Variants in TAMM41 observed in about 807,000 individuals in gnomAD.
TAMM41 encodes the protein TAM41 mitochondrial translocator assembly and maintenance homolog.
In TAMM41, 36 loss-of-function variants were observed where a neutral mutation model predicts 44.1. The ratio of observed to expected loss-of-function variants is 0.82; its 90% CI spans 0.63 to 1.08. The LOEUF is 1.08. Ranked by LOEUF, TAMM41 falls within the 50% of genes least tolerant of loss-of-function variation. The pLI is 0.00. For synonymous variants in TAMM41, 164 were observed against 153.1 expected, an observed-to-expected ratio of 1.07 and a Z score of -0.53; for missense variants, 417 against 404.3, an observed-to-expected ratio of 1.03 and a Z score of -0.27.
intron 3 of TAMM41, among the ~76,000 whole-genome samples, chr3:11,832,122 T>G (rs1170359027): frequency 2.0e-5 from 3 of 152,216 alleles, no homozygotes; most frequent in Non-Finnish European, 4.4e-5. Flanking sequence ...TCTGGTTAAC[T>G]TATCTTGAAA....
At chr3:11,846,180 T>A (rs1258977317) in intron 1 of TAMM41, among the ~76,000 whole-genome samples, 1 of 152,212 alleles carries the variant, frequency 6.6e-6, no homozygotes, top group Non-Finnish European at 1.5e-5. Context: ...CCCAGAAAAT[T>A]CCGATGTCCA....
At chr3:11,778,491 A>C in the TAMM41 span, among the ~76,000 whole-genome samples, 5 of 152,146 alleles carry the variant, frequency 3.3e-5, no homozygotes, top group African/African-American at 9.7e-5. Flanking sequence ...CAGGAACTCT[A>C]TATTTAACCA....
the TAMM41 span, among the ~76,000 whole-genome samples, chr3:11,725,454 C>CCTCCTCCTCCTCCTT: frequency 1.0e-3 from 143 of 137,818 alleles, 5 homozygotes; most frequent in South Asian, 0.01. Context: ...TCCTCCTCCT[C>CCTCCTCCTCCTCCTT]CTTCTTCTTC....
At chr3:11,816,421 C>T (rs1217971956) in intron 5 of TAMM41, among the ~76,000 whole-genome samples, 11 of 152,168 alleles carry the variant, frequency 7.2e-5, no homozygotes, top group Non-Finnish European at 4.4e-5. Flanking sequence ...CAAACCTCTT[C>T]CTATATGCAT....
chr3:11,749,174 A>C, the TAMM41 span, among the ~76,000 whole-genome samples: 4 of 152,088 alleles, frequency 2.6e-5, no homozygotes, highest in East Asian at 3.9e-4. Context: ...TGGCCTACCA[A>C]AGTGCTGGGA....
downstream of TAMM41, chr3:11,790,419 A>G (rs931243301): frequency 1.9e-5 from 23 of 1,234,680 alleles, no homozygotes; most frequent in African/African-American, 3.2e-4. Context: ...AATTCAAGCA[A>G]TGGGTCAAAG....
chr3:11,820,543 G>A (rs138690906), intron 4 of TAMM41, among the ~76,000 whole-genome samples: 1 of 152,160 alleles, frequency 6.6e-6, no homozygotes, highest in East Asian at 1.9e-4. Flanking sequence ...CCTGGCACAG[G>A]GAACACATAC....
chr3:11,834,275 A>C (rs2079090862), intron 3 of TAMM41, among the ~76,000 whole-genome samples: 1 of 152,184 alleles, frequency 6.6e-6, no homozygotes, highest in Non-Finnish European at 1.5e-5. Flanking sequence ...ACATTACTAA[A>C]AGGCAAAATA....
chr3:11,738,099 C>T, the TAMM41 span, among the ~76,000 whole-genome samples: 1 of 152,180 alleles, frequency 6.6e-6, no homozygotes, highest in South Asian at 2.1e-4. Flanking sequence ...AAAGGTCGTT[C>T]AGATGAGCCA....
chr3:11,810,006 G>C (rs922784629), intron 5 of TAMM41: 2 of 219,214 alleles, frequency 9.1e-6, no homozygotes, highest in Non-Finnish European at 1.8e-5. Context: ...AAAGGAAGTG[G>C]TGCTGCAGTT....
At chr3:11,747,911 AT>A in the TAMM41 span, among the ~76,000 whole-genome samples, 1 of 141,426 alleles carries the variant, frequency 7.1e-6, no homozygotes, top group Non-Finnish European at 1.5e-5. Flanking sequence ...GTCTTGCTCT[AT>A]CCCCTAGGCT....
At chr3:11,764,829 G>A in the TAMM41 span, among the ~76,000 whole-genome samples, 10 of 152,222 alleles carry the variant, frequency 6.6e-5, no homozygotes, top group East Asian at 1.5e-3. Context: ...CTAGGTAAAT[G>A]TATAACCAAA....
the TAMM41 span, among the ~76,000 whole-genome samples, chr3:11,776,150 A>C: frequency 6.6e-6 from 1 of 151,092 alleles, no homozygotes; most frequent in Non-Finnish European, 1.5e-5. Context: ...AGTAGCTGGG[A>C]CTACAGGCGC....
chr3:11,743,980 A>T, the TAMM41 span, among the ~76,000 whole-genome samples: 5 of 152,206 alleles, frequency 3.3e-5, no homozygotes, highest in Admixed American at 3.3e-4. Context: ...AGAACAAGCC[A>T]GTACAACCAT....
At chr3:11,807,365 A>G in intron 7 of TAMM41, 1 of 1,492,846 alleles carries the variant, frequency 6.7e-7, no homozygotes, top group Non-Finnish European at 8.9e-7. Flanking sequence ...AGAGAAGTCA[A>G]TAGATGATAC....
At chr3:11,727,306 T>G in the TAMM41 span, among the ~76,000 whole-genome samples, 1 of 152,194 alleles carries the variant, frequency 6.6e-6, no homozygotes, top group Non-Finnish European at 1.5e-5. Flanking sequence ...CAGGATTGCC[T>G]GCAGACTAAT....
At chr3:11,805,672 G>A (rs2077887144) in intron 7 of TAMM41, among the ~76,000 whole-genome samples, 1 of 152,192 alleles carries the variant, frequency 6.6e-6, no homozygotes, top group Non-Finnish European at 1.5e-5. Context: ...ACTGAGAGGT[G>A]TGACCATACC....
intron 4 of TAMM41, among the ~76,000 whole-genome samples, chr3:11,824,017 G>C (rs540615156): frequency 1.6e-4 from 25 of 151,992 alleles, no homozygotes; most frequent in African/African-American, 6.0e-4. Flanking sequence ...AATAGAGACA[G>C]GGTTTCACCA....
intron 2 of TAMM41, among the ~76,000 whole-genome samples, chr3:11,841,073 ATTTTTTTTTT>A (rs141805597): frequency 0.027 from 2,266 of 83,982 alleles, 66 homozygotes; most frequent in African/African-American, 0.091. Context: ...GCCCATTTCT[ATTTTTTTTTT>A]TTTTTTTTTT....
Sources: gnomAD v4.1 joint callset for allele counts (sites outside exome capture counted in the v4.1 genomes callset) on GRCh38, gnomAD v4.1.1 for gene constraint, MANE v1.5 for transcripts, NCBI Gene and HGNC (gene_info 2026-07-23, HGNC 2026-07-21) for gene names.